ETFA: variants seen among roughly 807,000 people sequenced by gnomAD.
ETFA encodes electron transfer flavoprotein subunit alpha, also known as electron transfer flavoprotein subunit alpha, mitochondrial.
A neutral mutation model predicts 46.2 loss-of-function variants in ETFA; 22 were observed. The observed-to-expected ratio is 0.48, with a 90% CI of 0.34 to 0.68. The LOEUF (loss-of-function observed/expected upper bound fraction) is 0.68. Among genes scored for constraint, ETFA ranks in the 30% least tolerant of loss-of-function variants. The pLI is 0.01. For missense variants in ETFA, 345 were observed against 401.1 expected, an observed-to-expected ratio of 0.86 and a Z score of 1.19; for synonymous variants, 131 against 139.9, an observed-to-expected ratio of 0.94 and a Z score of 0.45.
intron 11 of ETFA, among the ~76,000 whole-genome samples, chr15:76,220,991 A>C (rs1387508854): frequency 1.3e-5 from 2 of 152,226 alleles, no homozygotes; most frequent in East Asian, 3.8e-4. Flanking sequence ...ATCCAAAAGA[A>C]ATGAAAACAT....
intron 1 of ETFA, among the ~76,000 whole-genome samples, chr15:76,304,020 AG>A (rs1197036384): frequency 2.0e-5 from 3 of 152,242 alleles, no homozygotes; most frequent in African/African-American, 7.2e-5. Context: ...ACAGTAGCAA[AG>A]ACATGGAATC....
intron 3 of ETFA, 30 bp from the exon 4 acceptor site, chr15:76,292,543 T>TGTG: frequency 6.3e-7 from 1 of 1,597,328 alleles, no homozygotes; most frequent in Non-Finnish European, 8.6e-7. Flanking sequence ...GATAAAAAAA[T>TGTG]ATTTTGAAAT....
At chr15:76,229,768 A>G (rs1423953434) in intron 10 of ETFA, among the ~76,000 whole-genome samples, 1 of 152,220 alleles carries the variant, frequency 6.6e-6, no homozygotes, top group African/African-American at 2.4e-5. Context: ...ATTTCAAATT[A>G]GAAGAAGTTA....
intron 9 of ETFA, among the ~76,000 whole-genome samples, chr15:76,255,709 G>A (rs1054141665): frequency 6.6e-6 from 1 of 152,136 alleles, no homozygotes. Flanking sequence ...TGAATCCTTG[G>A]CAATGAACAC....
At chr15:76,258,697 T>A (rs1381174682) in intron 9 of ETFA, among the ~76,000 whole-genome samples, 1 of 152,086 alleles carries the variant, frequency 6.6e-6, no homozygotes, top group East Asian at 1.9e-4. Flanking sequence ...ATGGTAACCA[T>A]GGAAACATAA....
chr15:76,302,498 G>C (rs772048842), intron 1 of ETFA, among the ~76,000 whole-genome samples: 1 of 149,750 alleles, frequency 6.7e-6, no homozygotes, highest in Non-Finnish European at 1.5e-5. Context: ...GGGATTAGGA[G>C]AACAAAGCAT....
intron 9 of ETFA, among the ~76,000 whole-genome samples, chr15:76,238,703 T>C (rs2039152279): frequency 1.3e-5 from 2 of 152,218 alleles, no homozygotes; most frequent in African/African-American, 2.4e-5. Flanking sequence ...AACTATATTT[T>C]CTAATTATTG....
chr15:76,285,964 C>CT (rs2039701421), intron 6 of ETFA, among the ~76,000 whole-genome samples: 1 of 152,218 alleles, frequency 6.6e-6, no homozygotes. Flanking sequence ...ATTCAATTCT[C>CT]TGAGTCTGAA....
At position 76,216,617 on chromosome 15, in the gene ETFA, G is replaced by A; in HGVS notation, c.964-20C>T. 1 of 1,524,898 alleles carries A rather than the reference G, an allele frequency of 6.6e-7. No individual in the cohort carries two copies. Among genetic ancestry groups the A allele is most frequent in the South Asian group, 1.1e-5 (1 of 89,160 alleles). 94.5% of individuals were successfully genotyped at this position (1,524,898 alleles called of 1,614,324 possible). A position where few individuals can be genotyped will look rare whatever the true frequency, so the allele number is the denominator to read the frequency against. On this transcript the variant is annotated intron_variant, in intron 11 of 11. Coordinates refer to ENST00000557943, the MANE Select transcript of ETFA (RefSeq NM_000126.4). Reference sequence around the variant, plus strand: ...AACTACCTGCAAATAAAAACAAAAAGTAATTAAGCAACTAGAGCCTTCACT... The same window carrying A: ...AACTACCTGCAAATAAAAACAAAAAATAATTAAGCAACTAGAGCCTTCACT...
chr15:76,310,005 G>A (rs2404971), intron 1 of ETFA: 20,453 of 148,652 alleles, frequency 0.14, 1,488 homozygotes, highest in African/African-American at 0.19. Flanking sequence ...GCCGAGGCAG[G>A]TGGATCACTT....
Position 76,216,676 on chromosome 15 carries a change from G to A in ETFA, c.964-79C>T, listed in dbSNP as rs938153736. 4.3e-6 allele frequency: 4 copies of A among 930,438 alleles called. No homozygotes were observed. In the Admixed American group the frequency reaches 5.3e-5, roughly 12 times the overall value. 57.6% of individuals were successfully genotyped at this position (930,438 alleles called of 1,614,324 possible). ...GTCACAGCTCCGTAAGCATTACAGG[G>A]AGGCCAAAAGAAACAACACAAATCA... is the stretch of plus-strand genomic sequence containing the variant. On this transcript the variant is annotated intron_variant, in intron 11 of 11. Coordinates refer to ENST00000557943, the MANE Select transcript of ETFA (RefSeq NM_000126.4).
chr15:76,232,141 C>T (rs2039074938), intron 9 of ETFA, among the ~76,000 whole-genome samples: 1 of 152,120 alleles, frequency 6.6e-6, no homozygotes, highest in Non-Finnish European at 1.5e-5. Context: ...GATATTTGTA[C>T]CTCTTCCTGC....
Position 76,311,241 on chromosome 15 carries a change from C to T in ETFA, c.39+109G>A, listed in dbSNP as rs1314559702. 4.5e-6 allele frequency: 6 copies of T among 1,318,764 alleles called. No individual in the cohort carries two copies. The South Asian group carries it at 6.5e-5, about 14-fold the overall frequency. The allele number at this position is 1,318,764 out of a possible 1,614,324, so 81.7% of individuals were successfully genotyped here. A position where few individuals can be genotyped will look rare whatever the true frequency, so the allele number is the denominator to read the frequency against. ...TCCCAGGCGGGGACCGGCCTGCGGG[C>T]GCGAGGGCTGGTCGAATCTGAGGGG... On this transcript the variant is annotated intron_variant, in intron 1 of 11. Coordinates refer to ENST00000557943, the MANE Select transcript of ETFA (RefSeq NM_000126.4).
intron 9 of ETFA, among the ~76,000 whole-genome samples, chr15:76,231,716 A>G (rs1430888918): frequency 6.6e-6 from 1 of 152,120 alleles, no homozygotes; most frequent in Non-Finnish European, 1.5e-5. Flanking sequence ...GTGAGGTAGC[A>G]TTTTTCATCT....
intron 9 of ETFA, among the ~76,000 whole-genome samples, chr15:76,241,776 T>C (rs1235348677): frequency 8.9e-6 from 1 of 112,170 alleles, no homozygotes; most frequent in African/African-American, 3.5e-5. Flanking sequence ...CACTCCAGCC[T>C]GGGCGACAGA....
intron 9 of ETFA, among the ~76,000 whole-genome samples, chr15:76,271,692 T>C (rs560053110): frequency 6.6e-6 from 1 of 152,326 alleles, no homozygotes; most frequent in South Asian, 2.1e-4. Context: ...AGTTGTATTG[T>C]AGTTATTAGG....
intron 9 of ETFA, among the ~76,000 whole-genome samples, chr15:76,269,592 T>C (rs1052571533): frequency 6.6e-6 from 1 of 152,210 alleles, no homozygotes; most frequent in African/African-American, 2.4e-5. Flanking sequence ...TGTTCCCACT[T>C]TCTCTCTTAA....
At chr15:76,264,440 G>C (rs1231949017) in intron 9 of ETFA, among the ~76,000 whole-genome samples, 3 of 152,208 alleles carry the variant, frequency 2.0e-5, no homozygotes, top group African/African-American at 7.2e-5. Flanking sequence ...GTTCAGCTGT[G>C]CTCTGTGTGC....
chr15:76,289,117 A>G (rs1469465317), intron 4 of ETFA, among the ~76,000 whole-genome samples: 1 of 151,810 alleles, frequency 6.6e-6, no homozygotes, highest in East Asian at 1.9e-4. Context: ...TTTTTTCTGT[A>G]GAAGCGGGGT....
Sources: allele counts gnomAD v4.1 joint callset (sites outside exome capture counted in the v4.1 genomes callset), GRCh38; gene constraint gnomAD v4.1.1; transcripts MANE v1.5; gene names NCBI Gene and HGNC (gene_info 2026-07-23, HGNC 2026-07-21).